Variants in ARMC9 observed in about 807,000 individuals in gnomAD.
ARMC9 encodes armadillo repeat containing 9.
In ARMC9, 94 loss-of-function variants were observed where a neutral mutation model predicts 107.0. That is an observed-to-expected ratio of 0.88 (90% CI 0.74 to 1.04). The LOEUF is 1.04. Ranked by LOEUF, ARMC9 falls within the 50% of genes least tolerant of loss-of-function variation. ARMC9 has a pLI of 0.00. For synonymous variants in ARMC9, 380 were observed against 396.9 expected, an observed-to-expected ratio of 0.96 and a Z score of 0.51; for missense variants, 942 against 1,030.1, an observed-to-expected ratio of 0.91 and a Z score of 1.17.
chr2:231,275,238 G>T (rs1173242814), intron 14 of ARMC9, among the ~76,000 whole-genome samples: 1 of 152,186 alleles, frequency 6.6e-6, no homozygotes, highest in African/African-American at 2.4e-5. Context: ...GGTCAGTGTA[G>T]TGTTTAAGAA....
At chr2:231,368,115 A>G (rs6437014) in intron 23 of ARMC9, among the ~76,000 whole-genome samples, 16,148 of 152,142 alleles carry the variant, frequency 0.11, 2,877 homozygotes, top group African/African-American at 0.37. Context: ...CACACGTTAT[A>G]CCTGCATCAG....
At chr2:231,213,364 A>G (rs1311568566) in intron 3 of ARMC9, among the ~76,000 whole-genome samples, 1 of 151,698 alleles carries the variant, frequency 6.6e-6, no homozygotes, top group Non-Finnish European at 1.5e-5. Context: ...GGGTTTCACC[A>G]TGTTGTCCAG....
intron 18 of ARMC9, chr2:231,295,569 G>A (rs942593383): frequency 2.6e-5 from 4 of 152,256 alleles, no homozygotes; most frequent in Non-Finnish European, 5.9e-5. Context: ...TTCTACAGAG[G>A]AGGAAGCCGG....
intron 11 of ARMC9, among the ~76,000 whole-genome samples, chr2:231,260,915 G>T (rs2125411168): frequency 1.3e-5 from 2 of 152,270 alleles, no homozygotes; most frequent in Middle Eastern, 6.8e-3. Context: ...CCCCCACCCG[G>T]CTTTTTGCCC....
In ARMC9 at chr2:231,308,437, T is replaced by C. The variant is rs536431066; in HGVS notation, c.1773+12184T>C. Among the ~76,000 whole-genome samples the C allele has an allele frequency of 2.6e-5, 4 of 152,238 alleles. No individual in the cohort carries two copies. In the South Asian group the frequency reaches 6.2e-4, roughly 24 times the overall value. On this transcript the variant is annotated intron_variant, in intron 19 of 24. Coordinates refer to ENST00000611582, the MANE Select transcript of ARMC9 (RefSeq NM_001352754.2). ...GGCTGCAGCGGGAGTGGGGCTGAGC[T>C]TGGCTGATGGCAGAGGGTGCTCCTG...
intron 21 of ARMC9, among the ~76,000 whole-genome samples, chr2:231,349,209 A>G (rs2044938560): frequency 3.9e-5 from 6 of 152,256 alleles, no homozygotes; most frequent in Admixed American, 3.9e-4. Flanking sequence ...TGAATGGACA[A>G]AGAAAATGTG....
chr2:231,231,519 G>A (rs972847085), intron 7 of ARMC9, among the ~76,000 whole-genome samples: 1 of 151,946 alleles, frequency 6.6e-6, no homozygotes, highest in Non-Finnish European at 1.5e-5. Context: ...GAGTAGCTGG[G>A]ATTACAGGCG....
intron 16 of ARMC9, among the ~76,000 whole-genome samples, chr2:231,281,748 A>G (rs938161433): frequency 6.6e-6 from 1 of 152,232 alleles, no homozygotes; most frequent in African/African-American, 2.4e-5. Context: ...AAAATCAACG[A>G]TGACTCCAGA....
intron 20 of ARMC9, among the ~76,000 whole-genome samples, chr2:231,341,428 T>C (rs1295347512): frequency 6.6e-6 from 1 of 152,188 alleles, no homozygotes; most frequent in East Asian, 1.9e-4. Context: ...CTTAACTAAC[T>C]GGTCAAAACT....
At chr2:231,236,606 G>A (rs961925667) in intron 8 of ARMC9, among the ~76,000 whole-genome samples, 1 of 152,078 alleles carries the variant, frequency 6.6e-6, no homozygotes, top group Non-Finnish European at 1.5e-5. Context: ...AAACTACTCT[G>A]GGCAATATGG....
intron 16 of ARMC9, among the ~76,000 whole-genome samples, chr2:231,279,578 T>C (rs1161030801): frequency 6.6e-6 from 1 of 150,782 alleles, no homozygotes; most frequent in Non-Finnish European, 1.5e-5. Context: ...TGGTGTGATC[T>C]TGGCTCACTG....
chr2:231,279,301 A>G (rs532377653), intron 16 of ARMC9, among the ~76,000 whole-genome samples: 1 of 152,318 alleles, frequency 6.6e-6, no homozygotes, highest in African/African-American at 2.4e-5. Flanking sequence ...GGGTAAACAA[A>G]TTAACAAAAA....
At chr2:231,265,756 C>T (rs1302578534) in intron 12 of ARMC9, among the ~76,000 whole-genome samples, 1 of 151,358 alleles carries the variant, frequency 6.6e-6, no homozygotes. Flanking sequence ...CCTGTAATCC[C>T]AGCACTTTGG....
intron 17 of ARMC9, among the ~76,000 whole-genome samples, chr2:231,287,876 A>G (rs1041112724): frequency 2.6e-5 from 4 of 152,332 alleles, no homozygotes; most frequent in African/African-American, 4.8e-5. Context: ...TTTATTGATC[A>G]TAGCAGAAGA....
intron 9 of ARMC9, among the ~76,000 whole-genome samples, chr2:231,248,806 CAAAAAAA>C (rs35234269): frequency 1.1e-4 from 4 of 38,026 alleles, no homozygotes; most frequent in African/African-American, 2.7e-4. Flanking sequence ...GGTTCTGTCT[CAAAAAAA>C]AAAAAAAAAA....
chr2:231,225,770 A>G (rs528922777), intron 6 of ARMC9, among the ~76,000 whole-genome samples: 1 of 152,304 alleles, frequency 6.6e-6, no homozygotes, highest in South Asian at 2.1e-4. Flanking sequence ...CTTTTGGAGG[A>G]TGATGAAAAT....
chr2:231,214,949 A>G lies in ARMC9; in HGVS notation c.296A>G (p.Tyr99Cys), dbSNP rs772969644. 1.3e-5 allele frequency: 21 copies of G among 1,613,974 alleles called. No individual in the cohort carries two copies. In the East Asian group the frequency reaches 3.1e-4, roughly 24 times the overall value. Residue 99 changes from tyrosine (Y) to cysteine (C), a missense_variant, in exon 4 of 25, where the codon TAT becomes TGT. By Grantham distance (194) the Tyr-to-Cys change is radical. Transcript: ENST00000611582. The part of the protein sequence containing the change: ...GDSFAQKLEF[Y>C]LHIHFAIYLL... ...TCCTTTGCCCAGAAGCTGGAATTCTATCTCCACATCCATTTTGCCATCTAT... is the reference window on the plus strand; with the variant it reads ...TCCTTTGCCCAGAAGCTGGAATTCTGTCTCCACATCCATTTTGCCATCTAT...
In ARMC9 at chr2:231,375,278, A is replaced by C. The variant is rs80236318; in HGVS notation, c.*3743A>C. Among the ~76,000 whole-genome samples the C allele has an allele frequency of 9.5e-3, 1,448 of 152,224 alleles. 23 individuals are homozygous for C. The highest frequency in any genetic ancestry group is 0.056 in the South Asian group (268 of 4,826). On this transcript the variant is annotated 3_prime_UTR_variant, in exon 25 of 25. Coordinates refer to ENST00000611582, the MANE Select transcript of ARMC9 (RefSeq NM_001352754.2). The surrounding 1 kb of genome is among the most constrained non-coding windows in gnomAD (Gnocchi z 4.3). ...TCTCCTCTGGCTTAGGCTTGTTCAC[A>C]TGGTGGCCTCGGGGCTCCCATGGCA... is the stretch of plus-strand genomic sequence containing the variant.
intron 12 of ARMC9, among the ~76,000 whole-genome samples, chr2:231,269,527 A>G (rs2039134112): frequency 6.7e-6 from 1 of 150,370 alleles, no homozygotes; most frequent in Non-Finnish European, 1.5e-5. Context: ...CTGGGATTAC[A>G]GGTGTGTGCC....
Sources: allele counts gnomAD v4.1 joint callset (sites outside exome capture counted in the v4.1 genomes callset), GRCh38; gene constraint gnomAD v4.1.1; non-coding constraint Gnocchi (gnomAD v3.1); transcripts MANE v1.5; gene names NCBI Gene and HGNC (gene_info 2026-07-23, HGNC 2026-07-21).